RC3H1: variants seen among roughly 807,000 people sequenced by gnomAD.
The protein encoded by RC3H1 is roquin-1.
A neutral mutation model predicts 138.2 loss-of-function variants in RC3H1; 50 were observed. The observed-to-expected ratio is 0.36, with a 90% CI of 0.29 to 0.46. The LOEUF (loss-of-function observed/expected upper bound fraction) is 0.46, where lower values mean the gene tolerates loss of function less well. Ranked by LOEUF, RC3H1 falls within the 20% of genes least tolerant of loss-of-function variation. The probability of loss-of-function intolerance (pLI) is 1.00; values close to 1 mark genes in which losing one functional copy is unlikely to be tolerated. For missense variants in RC3H1, 1,031 were observed against 1,388.1 expected (o/e 0.74, Z 4.09); for synonymous variants, 462 against 489.1 (o/e 0.94, Z 0.73).
intron 13 of RC3H1, among the ~76,000 whole-genome samples, chr1:173,957,851 G>GCACA (rs1659713397): frequency 2.0e-5 from 3 of 152,228 alleles, no homozygotes; most frequent in Admixed American, 2.0e-4. Flanking sequence ...GTGAGCTAAT[G>GCACA]CACACCTGGC....
intron 1 of RC3H1, among the ~76,000 whole-genome samples, chr1:174,004,903 CT>C (rs922181133): frequency 6.8e-6 from 1 of 147,036 alleles, no homozygotes; most frequent in Non-Finnish European, 1.5e-5. Flanking sequence ...AGCCCAAAAG[CT>C]TTTTTTTAGA....
At chr1:173,979,933 C>T (rs747575312) in intron 6 of RC3H1, among the ~76,000 whole-genome samples, 1 of 152,006 alleles carries the variant, frequency 6.6e-6, no homozygotes, top group South Asian at 2.1e-4. Flanking sequence ...ACTCTGTTGC[C>T]GAGGTGCTAA....
chr1:174,006,737 G>C (rs1661658359), intron 1 of RC3H1, among the ~76,000 whole-genome samples: 1 of 152,134 alleles, frequency 6.6e-6, no homozygotes, highest in Non-Finnish European at 1.5e-5. Flanking sequence ...GAAAAAATTA[G>C]GTTGTAGCAG....
Position 173,992,964 on chromosome 1 carries a change from A to AT in RC3H1, c.21dup (p.Trp8MetfsTer37). On this transcript the variant is annotated frameshift_variant, in exon 2 of 20. Transcript: ENST00000367696. LOFTEE classifies it high-confidence loss of function. ...ATTGGGCAGGAGAGGAAATCCGTCC[A>AT]TTGTGGAGCTTGTACAGGCATTGCT... 6.2e-7 allele frequency: 1 copy of AT among 1,614,044 alleles called. No individual in the cohort carries two copies. Among genetic ancestry groups the AT allele is most frequent in the Non-Finnish European group, 8.5e-7 (1 of 1,179,898 alleles).
chr1:173,962,016 G>A lies in RC3H1; in HGVS notation c.1911C>T (p.Pro637=). ...GGTAGGGTGGATAATGATCCAAGTA[G>A]GGAGGAGCAGGTTCAGGAGCAGATG... ...PPPSAPEPAP[P]YLDHYPPYLQ... Residue 637 remains proline, a synonymous_variant, in exon 12 of 20, where the codon CCC becomes CCT. Coordinates refer to ENST00000367696, the MANE Select transcript of RC3H1 (RefSeq NM_172071.4). The A allele has an allele frequency of 6.2e-7, 1 of 1,614,104 alleles. No individual in the cohort carries two copies. Among genetic ancestry groups the A allele is most frequent in the Non-Finnish European group, 8.5e-7 (1 of 1,179,998 alleles).
chr1:173,953,552 T>G (rs1184920985), intron 13 of RC3H1, among the ~76,000 whole-genome samples: 1 of 152,074 alleles, frequency 6.6e-6, no homozygotes, highest in East Asian at 1.9e-4. Flanking sequence ...ATTACTGGCG[T>G]GAGCTACCAT....
intron 1 of RC3H1, among the ~76,000 whole-genome samples, chr1:174,012,197 C>T (rs995807588): frequency 6.6e-6 from 1 of 151,460 alleles, no homozygotes; most frequent in Non-Finnish European, 1.5e-5. Context: ...CTCTACTGCA[C>T]TCTAGCCTGG....
At chr1:173,976,857 T>C (rs1408575276) in intron 7 of RC3H1, among the ~76,000 whole-genome samples, 1 of 152,116 alleles carries the variant, frequency 6.6e-6, no homozygotes, top group Admixed American at 6.5e-5. Flanking sequence ...TCAAACCTTA[T>C]TCCGTAAGCA....
intron 10 of RC3H1, 49 bp downstream of exon 10, chr1:173,964,790 G>A (rs756583346): frequency 4.4e-5 from 64 of 1,461,970 alleles, no homozygotes; most frequent in Admixed American, 2.2e-4. Flanking sequence ...ATCTTCCTTC[G>A]ACTTTATGAA....
intron 18 of RC3H1, among the ~76,000 whole-genome samples, chr1:173,942,428 C>CAAAAAAAAAAAAAAAAAAAAAAA (rs60694243): frequency 2.9e-4 from 11 of 38,080 alleles, no homozygotes; most frequent in African/African-American, 1.6e-3. Context: ...GACTCAGTCT[C>CAAAAAAAAAAAAAAAAAAAAAAA]AAAAAAAAAA....
intron 14 of RC3H1, among the ~76,000 whole-genome samples, chr1:173,947,988 C>CA (rs1659207250): frequency 7.8e-6 from 1 of 127,476 alleles, no homozygotes; most frequent in Non-Finnish European, 1.6e-5. Context: ...TAGCTTGCCT[C>CA]AAGCTCAGCC....
At chr1:173,938,922 A>G in intron 19 of RC3H1, 51 bp from the exon 20 acceptor site, 10 of 1,416,868 alleles carry the variant, frequency 7.1e-6, no homozygotes, top group Non-Finnish European at 9.6e-6. Context: ...AATGATTACT[A>G]CAATAAAATC....
In RC3H1 at chr1:173,946,601, T is replaced by G; in HGVS notation, c.2836A>C (p.Ile946Leu). 3.7e-6 allele frequency: 6 copies of G among 1,613,976 alleles called. No individual in the cohort carries two copies. The highest frequency in any genetic ancestry group is 5.1e-6 in the Non-Finnish European group (6 of 1,179,916). The change falls in exon 17 of 20, where the codon ATA becomes CTA. Residue 946 changes from isoleucine to leucine, a missense_variant. Ile to Leu is a conservative substitution (Grantham distance 5). Coordinates refer to ENST00000367696, the MANE Select transcript of RC3H1 (RefSeq NM_172071.4). Reference protein sequence around the residue: ...SQGHFSERERISMSEVASHGK... With the variant: ...SQGHFSERERLSMSEVASHGK... ...TGACTGGCCACTTCTGACATAGATA[T>G]TCTCTCCCTTTGGTTAGAAAGAAAG... is the stretch of plus-strand genomic sequence containing the variant.
intron 8 of RC3H1, 126 bp downstream of exon 8, chr1:173,972,383 C>G: frequency 1.5e-6 from 1 of 652,994 alleles, no homozygotes; most frequent in Non-Finnish European, 2.8e-6. Flanking sequence ...TTTCTATACT[C>G]AGAGTCTCAA....
At chr1:173,949,759 G>A (rs6698123) in intron 14 of RC3H1, among the ~76,000 whole-genome samples, 1 of 152,092 alleles carries the variant, frequency 6.6e-6, no homozygotes, top group Non-Finnish European at 1.5e-5. Context: ...ATACCTAACA[G>A]TGAAAGATCA....
intron 2 of RC3H1, among the ~76,000 whole-genome samples, chr1:173,990,279 T>C (rs1042522386): frequency 2.6e-5 from 4 of 151,926 alleles, no homozygotes; most frequent in African/African-American, 9.7e-5. Flanking sequence ...GGTTTCACCA[T>C]GTTGGCCAGG....
intron 9 of RC3H1, among the ~76,000 whole-genome samples, chr1:173,966,187 T>C: frequency 6.6e-6 from 1 of 152,156 alleles, no homozygotes; most frequent in East Asian, 1.9e-4. Context: ...TTAGAACTGC[T>C]TCAGAGATGC....
chr1:174,005,494 T>A (rs1661638034), intron 1 of RC3H1, among the ~76,000 whole-genome samples: 1 of 152,212 alleles, frequency 6.6e-6, no homozygotes, highest in African/African-American at 2.4e-5. Context: ...CATATAATAT[T>A]GATGTAGGAA....
At chr1:173,989,602 A>T (rs989633519) in intron 2 of RC3H1, among the ~76,000 whole-genome samples, 73 of 151,238 alleles carry the variant, frequency 4.8e-4, no homozygotes, top group African/African-American at 1.7e-3. Context: ...TGCCTACTCC[A>T]TGGTCAGAAA....
Sources: gnomAD v4.1 joint callset for allele counts (sites outside exome capture counted in the v4.1 genomes callset) on GRCh38, gnomAD v4.1.1 for gene constraint, MANE v1.5 for transcripts, NCBI Gene and HGNC (gene_info 2026-07-23, HGNC 2026-07-21) for gene names.